Variants in PLXNA2 observed in about 807,000 individuals in gnomAD.
The protein encoded by PLXNA2 is plexin-A2.
PLXNA2 carries 91 observed loss-of-function variants against 193.5 expected under a neutral mutation model. The ratio of observed to expected loss-of-function variants is 0.47; its 90% CI spans 0.40 to 0.56. PLXNA2 has a LOEUF of 0.56. Ranked by LOEUF, PLXNA2 falls within the 20% of genes least tolerant of loss-of-function variation. The pLI is 0.00. For missense variants in PLXNA2, 1,995 were observed against 2,503.2 expected, an observed-to-expected ratio of 0.80 and a Z score of 4.33; for synonymous variants, 997 against 1,027.3, an observed-to-expected ratio of 0.97 and a Z score of 0.56.
In PLXNA2 at chr1:208,217,371, G is replaced by A. The variant is rs375861967; in HGVS notation, c.552C>T (p.Ile184=). The A allele has an allele frequency of 1.2e-4, 193 of 1,614,090 alleles. No individual in the cohort carries two copies. Among genetic ancestry groups the A allele is most frequent in the Non-Finnish European group, 1.5e-4 (181 of 1,180,056 alleles). ...CCTGCTTCCCATCCACAGCCGTGCC[G>A]ATGAAGAGCTTGCCATCCTCACCCT... ...RSEGEDGKLF[I]GTAVDGKQDY... The change falls in exon 2 of 32, where the codon ATC becomes ATT. Residue 184 remains isoleucine (I), a synonymous_variant. Coordinates refer to ENST00000367033, the MANE Select transcript of PLXNA2 (RefSeq NM_025179.4). This position sits in a 1 kb window ranked among gnomAD's most constrained non-coding sequence, Gnocchi z 4.7.
chr1:208,150,777 C>T (rs1304301319), intron 3 of PLXNA2, among the ~76,000 whole-genome samples: 1 of 152,168 alleles, frequency 6.6e-6, no homozygotes. Context: ...ACTACACTCA[C>T]AAAGGCACCA....
intron 3 of PLXNA2, among the ~76,000 whole-genome samples, chr1:208,194,460 C>CAAAAAA (rs10522096): frequency 1.1e-5 from 1 of 93,986 alleles, no homozygotes; most frequent in African/African-American, 3.8e-5. Flanking sequence ...CAGCTTACTG[C>CAAAAAA]AAAAAAAAAA....
chr1:208,064,893 A>G (rs1473005098), intron 12 of PLXNA2, among the ~76,000 whole-genome samples: 2 of 152,094 alleles, frequency 1.3e-5, no homozygotes. Context: ...CCCGCCCAAC[A>G]CACACAGAGA....
chr1:208,166,844 G>A (rs1345554701), intron 3 of PLXNA2, among the ~76,000 whole-genome samples: 2 of 152,166 alleles, frequency 1.3e-5, no homozygotes. Flanking sequence ...TAAACCTCTG[G>A]TTTCGGTTCC....
intron 3 of PLXNA2, among the ~76,000 whole-genome samples, chr1:208,178,855 C>G (rs1445285914): frequency 6.6e-6 from 1 of 152,230 alleles, no homozygotes; most frequent in Non-Finnish European, 1.5e-5. Context: ...ATCAGAAATG[C>G]TGGGCGTGGG....
intron 3 of PLXNA2, among the ~76,000 whole-genome samples, chr1:208,188,425 T>C (rs1485418058): frequency 2.6e-5 from 4 of 152,134 alleles, no homozygotes; most frequent in African/African-American, 7.2e-5. Flanking sequence ...AATGGAGATA[T>C]AGGCTGGGCG....
rs201734545 is a variant in PLXNA2, at chr1:208,082,458, C to T, written c.2349G>A (p.Val783=). ...CAATGATGAAATTGCCGTTCCACAC[C>T]ACAGCGAAATCCACGGCCAGATTGC... ...DISNLAVDFA[V]VWNGNFIIDN... The change falls in exon 11 of 32, where the codon GTG becomes GTA. Residue 783 remains valine (V), a synonymous_variant. Transcript: ENST00000367033. This position sits in a 1 kb window ranked among gnomAD's most constrained non-coding sequence, Gnocchi z 4.2. The T allele has an allele frequency of 6.2e-7, 1 of 1,614,104 alleles. No homozygotes were observed. Among genetic ancestry groups the T allele is most frequent in the East Asian group, 2.2e-5 (1 of 44,878 alleles).
intron 3 of PLXNA2, among the ~76,000 whole-genome samples, chr1:208,195,890 GACTT>G (rs1210088733): frequency 1.3e-5 from 2 of 151,822 alleles, no homozygotes; most frequent in Non-Finnish European, 2.9e-5. Context: ...ATCCGTCTGA[GACTT>G]ACATTACCCA....
intron 3 of PLXNA2, among the ~76,000 whole-genome samples, chr1:208,176,073 A>G (rs1308521076): frequency 2.6e-5 from 4 of 152,190 alleles, no homozygotes; most frequent in African/African-American, 9.7e-5. Context: ...GTCAGGTTTG[A>G]GTTAAGGTCA....
rs146869381 is a variant in PLXNA2, at chr1:208,223,748, C to G, written c.-80-5746G>C. On this transcript the variant is annotated intron_variant, in intron 1 of 31. Coordinates refer to ENST00000367033, the MANE Select transcript of PLXNA2 (RefSeq NM_025179.4). ...TCTATGCACAGAAAGCTCCTTCTTC[C>G]CAAAGAGTTAGAGCTACAGCAGAAG... Among the ~76,000 whole-genome samples the G allele has an allele frequency of 8.5e-5, 13 of 152,244 alleles. No homozygotes were observed. The East Asian group carries it at 2.5e-3, about 29-fold the overall frequency.
intron 3 of PLXNA2, among the ~76,000 whole-genome samples, chr1:208,199,993 G>A (rs1670489811): frequency 6.6e-6 from 1 of 152,200 alleles, no homozygotes; most frequent in African/African-American, 2.4e-5. Flanking sequence ...TATCCCCTGG[G>A]GGCCTTAACC....
chr1:208,082,560 G>T lies in PLXNA2; in HGVS notation c.2299-52C>A. 1.5e-6 allele frequency: 2 copies of T among 1,306,368 alleles called. No individual in the cohort carries two copies. Among genetic ancestry groups the T allele is most frequent in the South Asian group, 1.2e-5 (1 of 83,864 alleles). 80.9% of individuals were successfully genotyped at this position (1,306,368 alleles called of 1,614,324 possible). On this transcript the variant is annotated intron_variant, in intron 10 of 31. Transcript: ENST00000367033. This position sits in a 1 kb window ranked among gnomAD's most constrained non-coding sequence, Gnocchi z 4.2. ...GGCTCATGTGGCTCTCTATCACAGG[G>T]GTCAGGGATGCAGACAAACCCTGCA...
chr1:208,145,061 A>G (rs985201773), intron 3 of PLXNA2, among the ~76,000 whole-genome samples: 2 of 152,220 alleles, frequency 1.3e-5, no homozygotes, highest in African/African-American at 4.8e-5. Context: ...CCAAATTTCC[A>G]TAAGATTCTT....
chr1:208,145,046 CA>C (rs1487883329), intron 3 of PLXNA2, among the ~76,000 whole-genome samples: 6 of 152,178 alleles, frequency 3.9e-5, no homozygotes, highest in African/African-American at 9.7e-5. Flanking sequence ...CTTAGATAGA[CA>C]GACCCAAATT....
chr1:208,077,012 G>C (rs904083625), intron 12 of PLXNA2, among the ~76,000 whole-genome samples: 10 of 151,980 alleles, frequency 6.6e-5, no homozygotes, highest in Admixed American at 2.0e-4. Context: ...CTTTCACAGG[G>C]AAAGGAGGAT....
chr1:208,087,191 G>A (rs1666559092), intron 9 of PLXNA2, among the ~76,000 whole-genome samples: 1 of 151,914 alleles, frequency 6.6e-6, no homozygotes, highest in Admixed American at 6.5e-5. Context: ...GATGTCTGGG[G>A]TTAGTAAAAA....
chr1:208,084,833 G>A (rs1045614010), intron 9 of PLXNA2, among the ~76,000 whole-genome samples: 7 of 152,236 alleles, frequency 4.6e-5, no homozygotes, highest in African/African-American at 1.4e-4. Context: ...CAAGCACAGT[G>A]TGGCAAGCTG....
intron 3 of PLXNA2, among the ~76,000 whole-genome samples, chr1:208,198,051 C>T (rs1009353100): frequency 2.6e-5 from 4 of 152,140 alleles, no homozygotes; most frequent in South Asian, 4.1e-4. Flanking sequence ...TAGCTCAGGG[C>T]CCTATTAATA....
chr1:208,150,266 G>C (rs932671270), intron 3 of PLXNA2, among the ~76,000 whole-genome samples: 1 of 152,130 alleles, frequency 6.6e-6, no homozygotes, highest in Non-Finnish European at 1.5e-5. Flanking sequence ...GTCAATCTTC[G>C]GTTAACACTG....
Sources: gnomAD v4.1 joint callset for allele counts (sites outside exome capture counted in the v4.1 genomes callset) on GRCh38, gnomAD v4.1.1 for gene constraint, Gnocchi (gnomAD v3.1) non-coding constraint, MANE v1.5 for transcripts, NCBI Gene and HGNC (gene_info 2026-07-23, HGNC 2026-07-21) for gene names.